RFC5: variants seen among roughly 807,000 people sequenced by gnomAD.
RFC5 encodes the protein replication factor C subunit 5.
RFC5 carries 26 observed loss-of-function variants against 44.3 expected under a neutral mutation model. That is an observed-to-expected ratio of 0.59 (90% CI 0.43 to 0.81). RFC5 has a LOEUF of 0.81. Ranked by LOEUF, RFC5 falls within the 40% of genes least tolerant of loss-of-function variation. The pLI is 0.00. For synonymous variants in RFC5, 155 were observed against 155.2 expected (o/e 1.00, Z 0.01); for missense variants, 328 against 418.6 (o/e 0.78, Z 1.89).
chr12:118,034,538 G>T, downstream of RFC5: 3 of 677,902 alleles, frequency 4.4e-6, no homozygotes, highest in East Asian at 2.9e-5. Flanking sequence ...CTGCTGATAG[G>T]ATTAGAAAAA....
intron 4 of RFC5, among the ~76,000 whole-genome samples, chr12:118,021,544 T>C (rs1050068716): frequency 6.6e-6 from 1 of 152,064 alleles, no homozygotes; most frequent in African/African-American, 2.4e-5. Flanking sequence ...ACTTCATTTT[T>C]AGTTCCTGAG....
In RFC5 at chr12:118,024,918, T is replaced by C. The variant is rs763826952; in HGVS notation, c.489T>C (p.Pro163=). 33 of 1,613,908 alleles carry C rather than the reference T, an allele frequency of 2.0e-5. No homozygotes were observed. Among genetic ancestry groups the C allele is most frequent in the Middle Eastern group, 1.6e-4 (1 of 6,080 alleles). ...LICNYLSKII[P]ALQSRCTRFR... ...GTAACTATCTGTCAAAGATCATCCC[T>C]GCCTTGCAGTCCCGCTGCACGAGGT... Residue 163 remains proline (P), a synonymous_variant, in exon 6 of 11, where the codon CCT becomes CCC. Transcript: ENST00000454402.
rs2030449255 is a variant in RFC5 at position 118,021,023 on chromosome 12, G to T, written c.347+38G>T. On this transcript the variant is annotated intron_variant, in intron 4 of 10. Transcript: ENST00000454402. ...TGTGTAATTTCGCTCCCTTGATTTT[G>T]ATTAGTAAGATGATATGGGTTAATT... 5.5e-6 allele frequency: 7 copies of T among 1,278,020 alleles called. No individual in the cohort carries two copies. In the South Asian group the frequency reaches 8.4e-5, roughly 15 times the overall value. The allele number at this position is 1,278,020 out of a possible 1,614,324, so 79.2% of individuals were successfully genotyped here.
intron 6 of RFC5, 183 bp downstream of exon 6, chr12:118,025,193 A>G (rs1170907081): frequency 1.2e-5 from 6 of 496,048 alleles, no homozygotes; most frequent in Non-Finnish European, 2.1e-5. Context: ...GCCATTCCTC[A>G]TAAAAGTCAT....
chr12:118,031,053 G>T, intron 10 of RFC5, 129 bp from the exon 11 acceptor site: 1 of 615,102 alleles, frequency 1.6e-6, no homozygotes, highest in Non-Finnish European at 3.0e-6. Flanking sequence ...GCCATCCAGG[G>T]CACATTTGTT....
chr12:118,037,494 T>G (rs1475670984), downstream of RFC5, among the ~76,000 whole-genome samples: 2 of 151,644 alleles, frequency 1.3e-5, no homozygotes, highest in Non-Finnish European at 2.9e-5. Context: ...TGGTGAAACC[T>G]CATTTCTACT....
At chr12:118,022,549 C>G (rs765625155) in intron 5 of RFC5, among the ~76,000 whole-genome samples, 190 bp downstream of exon 5, 1 of 151,966 alleles carries the variant, frequency 6.6e-6, no homozygotes, top group African/African-American at 2.4e-5. Flanking sequence ...ACTGCAGCCT[C>G]TGCCTCCTGG....
At position 118,019,091 on chromosome 12, in the gene RFC5, C is replaced by G. The variant is rs2030307919; in HGVS notation, c.85C>G (p.Gln29Glu). ...TTTCAGGGTTGAAAAATACCGGCCA[C>G]AGACCCTGAATGATCTCATTTCTCA... Reference protein sequence around the residue: ...NLPWVEKYRPQTLNDLISHQD... With the variant: ...NLPWVEKYRPETLNDLISHQD... The change falls in exon 2 of 11, where the codon CAG becomes GAG. Residue 29 changes from glutamine to glutamate, a missense_variant. Transcript: ENST00000454402. This position sits in a 1 kb window ranked among gnomAD's most constrained non-coding sequence, Gnocchi z 4.2. 4.3e-6 allele frequency: 7 copies of G among 1,611,870 alleles called. No homozygotes were observed. In the East Asian group the frequency reaches 1.6e-4, roughly 36 times the overall value.
chr12:118,039,989 G>A, the RFC5 span, among the ~76,000 whole-genome samples: 4 of 151,964 alleles, frequency 2.6e-5, no homozygotes, highest in South Asian at 4.2e-4. Context: ...CGAGTGATCC[G>A]CCCGCCTTGG....
At chr12:118,038,187 G>A in the RFC5 span, 3 of 1,115,988 alleles carry the variant, frequency 2.7e-6, no homozygotes. Flanking sequence ...CCTTCTATTG[G>A]GGTGGATTTG....
chr12:118,018,058 G>A (rs1470933387), intron 1 of RFC5: 1 of 701,178 alleles, frequency 1.4e-6, no homozygotes, highest in Admixed American at 2.0e-5. Context: ...TTTCATGTAA[G>A]TGGAATCCTA....
downstream of RFC5, chr12:118,034,807 T>C: frequency 1.6e-6 from 1 of 616,422 alleles, no homozygotes; most frequent in East Asian, 2.8e-5. Flanking sequence ...AGGTTAAATA[T>C]TCAGAGAAAA....
At position 118,031,554 on chromosome 12, in the gene RFC5, G is replaced by A; in HGVS notation, c.*276G>A. 1 of 218,540 alleles carries A rather than the reference G, an allele frequency of 4.6e-6. No individual in the cohort carries two copies. The highest frequency in any genetic ancestry group is 8.9e-6 in the Non-Finnish European group (1 of 111,998). The allele number at this position is 218,540 out of a possible 1,614,324, so 13.5% of individuals were successfully genotyped here. On this transcript the variant is annotated 3_prime_UTR_variant, in exon 11 of 11. Transcript: ENST00000454402. ...ACCTTTTTTATTTTAAAGTTATAAG[G>A]TTTTTACCTTTTAGTTGCTTGGATG...
chr12:118,029,745 C>T (rs1440117181), intron 9 of RFC5, 26 bp from the exon 10 acceptor site: 1 of 1,525,144 alleles, frequency 6.6e-7, no homozygotes, highest in African/African-American at 1.4e-5. Flanking sequence ...AGTGACCTAA[C>T]TCATTTGATT....
Position 118,031,316 on chromosome 12 carries a change from A to G in RFC5, c.*38A>G. 7.4e-7 allele frequency: 1 copy of G among 1,349,558 alleles called. No individual in the cohort carries two copies. The highest frequency in any genetic ancestry group is 1.1e-6 in the Non-Finnish European group (1 of 941,536). The allele number at this position is 1,349,558 out of a possible 1,614,324, so 83.6% of individuals were successfully genotyped here. A position where few individuals can be genotyped will look rare whatever the true frequency, so the allele number is the denominator to read the frequency against. ...CCATTCACAATTCTCAGGGCTCAGCAGTGATGGGAGAACAGAGGACAGTTC... is the reference window on the plus strand; with the variant it reads ...CCATTCACAATTCTCAGGGCTCAGCGGTGATGGGAGAACAGAGGACAGTTC... On this transcript the variant is annotated 3_prime_UTR_variant, in exon 11 of 11. Coordinates refer to ENST00000454402, the MANE Select transcript of RFC5 (RefSeq NM_007370.7).
chr12:118,033,979 G>C (rs77542352), downstream of RFC5: 2 of 593,734 alleles, frequency 3.4e-6, no homozygotes, highest in African/African-American at 3.7e-5. Context: ...CTCTGTTGCC[G>C]TGCAAGTGGA....
downstream of RFC5, chr12:118,034,238 G>T: frequency 6.2e-7 from 1 of 1,614,214 alleles, no homozygotes; most frequent in Non-Finnish European, 8.5e-7. Flanking sequence ...TTTTCTTGGG[G>T]ATTGGCAGTG....
chr12:118,020,897 C>T lies in RFC5; in HGVS notation c.268-9C>T. 1 of 1,596,828 alleles carries T rather than the reference C, an allele frequency of 6.3e-7. No individual in the cohort carries two copies. The highest frequency in any genetic ancestry group is 8.6e-7 in the Non-Finnish European group (1 of 1,165,776). On this transcript the variant is annotated splice_polypyrimidine_tract_variant and intron_variant, in intron 3 of 10. Transcript: ENST00000454402. ...GGTTTTTGTTTTGTCTTCTGTCTTC[C>T]ACATTTAGCTGAATGCTTCAGATGA...
chr12:118,034,035 T>A, downstream of RFC5: 2 of 935,826 alleles, frequency 2.1e-6, no homozygotes, highest in Non-Finnish European at 3.2e-6. Context: ...GAGAGAAAGA[T>A]CCATGACTAG....
Sources: allele counts gnomAD v4.1 joint callset (sites outside exome capture counted in the v4.1 genomes callset), GRCh38; gene constraint gnomAD v4.1.1; non-coding constraint Gnocchi (gnomAD v3.1); transcripts MANE v1.5; gene names NCBI Gene and HGNC (gene_info 2026-07-23, HGNC 2026-07-21).